Variants in TLE2 observed in about 807,000 individuals in gnomAD.
TLE2 encodes transducin-like enhancer protein 2.
Under a neutral mutation model 97.2 loss-of-function variants are expected in TLE2, and 74 were observed. The ratio of observed to expected loss-of-function variants is 0.76; its 90% CI spans 0.63 to 0.92. The LOEUF (loss-of-function observed/expected upper bound fraction) is 0.92. Among genes scored for constraint, TLE2 ranks in the 40% least tolerant of loss-of-function variants. The pLI is 0.00. For synonymous variants in TLE2, 499 were observed against 432.1 expected, an observed-to-expected ratio of 1.15 and a Z score of -1.92; for missense variants, 1,038 against 1,008.7, an observed-to-expected ratio of 1.03 and a Z score of -0.39.
Position 3,005,735 on chromosome 19 carries a change from A to G in TLE2, c.1734T>C (p.Asn578=). Residue 578 remains asparagine, a synonymous_variant, in exon 16 of 20, where the codon AAT becomes AAC. Coordinates refer to ENST00000262953, the MANE Select transcript of TLE2 (RefSeq NM_003260.5). ...DGNIVVWDLQ[N]QTMVRQFQGH... is the part of the protein sequence containing the mutation. ...CTGCCACCCACCTGACCATAGTCTG[A>G]TTCTGCAGGTCCCAGACCACAATGT... 1 of 1,613,664 alleles carries G rather than the reference A, an allele frequency of 6.2e-7. No homozygotes were observed. The highest frequency in any genetic ancestry group is 8.5e-7 in the Non-Finnish European group (1 of 1,179,720).
chr19:3,023,994 CTTT>C (rs372319602), intron 5 of TLE2, among the ~76,000 whole-genome samples: 10 of 123,088 alleles, frequency 8.1e-5, no homozygotes, highest in South Asian at 2.6e-4. Flanking sequence ...GAAGAGCTAA[CTTT>C]TTTTTTTTTT....
intron 11 of TLE2, among the ~76,000 whole-genome samples, chr19:3,011,393 G>A (rs530882026): frequency 1.9e-4 from 29 of 151,900 alleles, no homozygotes; most frequent in Non-Finnish European, 3.7e-4. Flanking sequence ...TTAGCCGGGC[G>A]TGGTGGCATG....
intron 1 of TLE2, among the ~76,000 whole-genome samples, chr19:3,041,013 ATTTTTTTTTTT>A (rs1168699418): frequency 2.4e-4 from 7 of 28,970 alleles, no homozygotes; most frequent in East Asian, 1.0e-3. Flanking sequence ...ATATATATAT[ATTTTTTTTTTT>A]TTTTTTTTTT....
chr19:3,016,840 G>A lies in TLE2; in HGVS notation c.570+1000C>T, dbSNP rs537352119. Among the ~76,000 whole-genome samples, 5 of 151,734 alleles carry A rather than the reference G, an allele frequency of 3.3e-5. No homozygotes were observed. The South Asian group carries it at 6.3e-4, about 19-fold the overall frequency. On this transcript the variant is annotated intron_variant, in intron 8 of 19. Transcript: ENST00000262953. The stretch of plus-strand genomic sequence containing the variant: ...GTCGCCCAAGCTGGAGTGCAGTGGC[G>A]CAATCTCGGCTCACTGCAACCTCCG...
At chr19:3,016,216 A>G (rs1246065771) in intron 8 of TLE2, among the ~76,000 whole-genome samples, 1 of 149,212 alleles carries the variant, frequency 6.7e-6, no homozygotes, top group Non-Finnish European at 1.5e-5. Flanking sequence ...GATTACAGGC[A>G]TGAGCCACCG....
intron 14 of TLE2, among the ~76,000 whole-genome samples, chr19:3,006,946 C>A (rs216280): frequency 0.024 from 3,601 of 152,146 alleles, 148 homozygotes; most frequent in African/African-American, 0.082. Flanking sequence ...CCATGCCTGG[C>A]TAAGTTTTTT....
At chr19:3,006,274 TG>T in intron 15 of TLE2, 145 bp downstream of exon 15, 1 of 1,326,494 alleles carries the variant, frequency 7.5e-7, no homozygotes, top group Non-Finnish European at 1.1e-6. Flanking sequence ...CCTTGTCCCA[TG>T]CGACTACGAG....
intron 1 of TLE2, among the ~76,000 whole-genome samples, chr19:3,035,479 G>C (rs1157786290): frequency 6.6e-6 from 1 of 151,966 alleles, no homozygotes; most frequent in Non-Finnish European, 1.5e-5. Flanking sequence ...CCATTACAGA[G>C]AGGCTCAGCC....
intron 1 of TLE2, among the ~76,000 whole-genome samples, chr19:3,036,560 CCGGGCTCG>C (rs2090064814): frequency 6.6e-6 from 1 of 152,252 alleles, no homozygotes; most frequent in Non-Finnish European, 1.5e-5. Context: ...CCCGCTGGCC[CCGGGCTCG>C]CGGGTGACCT....
intron 4 of TLE2, among the ~76,000 whole-genome samples, chr19:3,026,135 A>T (rs1405845174): frequency 1.3e-5 from 2 of 152,098 alleles, no homozygotes; most frequent in East Asian, 3.8e-4. Context: ...ATGGACCACT[A>T]AAGTCAATTT....
At position 3,028,812 on chromosome 19, in the gene TLE2, G is replaced by C. The variant is rs751110838; in HGVS notation, c.25-9C>G. ...CCGGACTGGAGCGGGGTCTGGGGGG[G>C]GTGTGGGGGAAACGTCAGGGTCTGA... On this transcript the variant is annotated splice_polypyrimidine_tract_variant and intron_variant, in intron 1 of 19. Transcript: ENST00000262953. 6.2e-6 allele frequency: 10 copies of C among 1,612,214 alleles called. No homozygotes were observed. Among genetic ancestry groups the C allele is most frequent in the East Asian group, 4.5e-5 (2 of 44,862 alleles).
Position 3,019,032 on chromosome 19 carries a change from G to A in TLE2, c.550+251C>T, listed in dbSNP as rs1458005192. Among the ~76,000 whole-genome samples the A allele has an allele frequency of 6.6e-6, 1 of 152,088 alleles. No homozygotes were observed. Among genetic ancestry groups the A allele is most frequent in the Non-Finnish European group, 1.5e-5 (1 of 68,012 alleles). ...TCCTGCCTCGGCCTCCTAAGTACCT[G>A]GGAATACAGGTGTGCACCATCCCAC... On this transcript the variant is annotated intron_variant, in intron 7 of 19. Transcript: ENST00000262953. The surrounding 1 kb of genome is among the most constrained non-coding windows in gnomAD (Gnocchi z 5.1).
chr19:3,001,510 G>A (rs1169971714), intron 18 of TLE2, among the ~76,000 whole-genome samples: 2 of 152,104 alleles, frequency 1.3e-5, no homozygotes, highest in Non-Finnish European at 2.9e-5. Context: ...AAAAGAGATA[G>A]GGTCTCACTG....
At position 3,029,127 on chromosome 19, in the gene TLE2, C is replaced by G; in HGVS notation, c.-223G>C. 1 of 1,100,794 alleles carries G rather than the reference C, an allele frequency of 9.1e-7. No individual in the cohort carries two copies. Among genetic ancestry groups the G allele is most frequent in the Non-Finnish European group, 1.1e-6 (1 of 904,152 alleles). 68.2% of individuals were successfully genotyped at this position (1,100,794 alleles called of 1,614,324 possible). A position where few individuals can be genotyped will look rare whatever the true frequency, so the allele number is the denominator to read the frequency against. On this transcript the variant is annotated 5_prime_UTR_variant, in exon 1 of 20. Coordinates refer to ENST00000262953, the MANE Select transcript of TLE2 (RefSeq NM_003260.5). Reference sequence around the variant, plus strand: ...CCCGGGTTGGGGTGCGCGGGGCGAGCGGGGCGGGCAGGGGCAGCGGCCGGG... The same window carrying G: ...CCCGGGTTGGGGTGCGCGGGGCGAGGGGGGCGGGCAGGGGCAGCGGCCGGG...
chr19:3,018,192 C>T (rs2089755993), intron 7 of TLE2, among the ~76,000 whole-genome samples: 1 of 152,112 alleles, frequency 6.6e-6, no homozygotes, highest in Admixed American at 6.5e-5. Context: ...AGTGCAGTGG[C>T]CCAGTCACAG....
upstream of TLE2, among the ~76,000 whole-genome samples, chr19:3,033,866 T>C (rs773833060): frequency 6.7e-6 from 1 of 149,524 alleles, no homozygotes; most frequent in African/African-American, 2.5e-5. Context: ...AAAAGTAAAA[T>C]AACAAACGTA....
At position 3,019,173 on chromosome 19, in the gene TLE2, T is replaced by C; in HGVS notation, c.550+110A>G. Reference sequence around the variant, plus strand: ...TCGGCCTCCCAAATTGTTGGGATTATAGGCATGAGCCACTTCATCCCCTCA... The same window carrying C: ...TCGGCCTCCCAAATTGTTGGGATTACAGGCATGAGCCACTTCATCCCCTCA... On this transcript the variant is annotated intron_variant, in intron 7 of 19. Transcript: ENST00000262953. The surrounding 1 kb of genome is among the most constrained non-coding windows in gnomAD (Gnocchi z 5.1). The C allele has an allele frequency of 7.0e-7, 1 of 1,429,238 alleles. No homozygotes were observed. The allele number at this position is 1,429,238 out of a possible 1,614,324, so 88.5% of individuals were successfully genotyped here.
intron 11 of TLE2, 140 bp downstream of exon 11, chr19:3,013,529 A>G: frequency 2.3e-6 from 2 of 855,722 alleles, no homozygotes; most frequent in East Asian, 3.3e-5. Flanking sequence ...GGTTTAAAAA[A>G]AAAAGCACAG....
chr19:3,000,783 A>G, intron 18 of TLE2, 60 bp from the exon 19 acceptor site: 1 of 1,338,334 alleles, frequency 7.5e-7, no homozygotes, highest in East Asian at 2.6e-5. Flanking sequence ...CCCGGGCTGC[A>G]GGGGGAGGTC....
Sources: gnomAD v4.1 joint callset for allele counts (sites outside exome capture counted in the v4.1 genomes callset) on GRCh38, gnomAD v4.1.1 for gene constraint, Gnocchi (gnomAD v3.1) non-coding constraint, MANE v1.5 for transcripts, NCBI Gene and HGNC (gene_info 2026-07-23, HGNC 2026-07-21) for gene names.